The following PCDHGB3 variants were observed in gnomAD, a reference collection of about 807,000 sequenced individuals.
PCDHGB3 encodes the protein protocadherin gamma subfamily B, 3.
Under a neutral mutation model 59.2 loss-of-function variants are expected in PCDHGB3, and 40 were observed. The ratio of observed to expected loss-of-function variants is 0.68; its 90% CI spans 0.52 to 0.88. The LOEUF is 0.88. Ranked by LOEUF, PCDHGB3 falls within the 40% of genes least tolerant of loss-of-function variation. The pLI, the probability that PCDHGB3 is intolerant of heterozygous loss-of-function variation, is 0.00. For synonymous variants in PCDHGB3, 581 were observed against 503.6 expected (o/e 1.15, Z -2.06); for missense variants, 1,309 against 1,187.9 (o/e 1.10, Z -1.50).
At chr5:141,412,300 A>T (rs1422841541) in intron 1 of PCDHGB3, 2 of 152,248 alleles carry the variant, frequency 1.3e-5, no homozygotes, top group Non-Finnish European at 2.9e-5. Context: ...TTCTTTTCTC[A>T]TTACAATGCA....
chr5:141,400,290 C>T, intron 1 of PCDHGB3: 3 of 1,614,090 alleles, frequency 1.9e-6, no homozygotes, highest in Non-Finnish European at 2.5e-6. Context: ...CCGCCTGGAG[C>T]TGCTTCCAAC....
At chr5:141,415,641 T>TA (rs113784532) in intron 1 of PCDHGB3, 91,654 of 1,192,004 alleles carry the variant, frequency 0.077, 689 homozygotes, top group South Asian at 0.099. Context: ...TTACTTTTGT[T>TA]AAAAAAAAAA....
chr5:141,433,354 T>TCTGC, intron 1 of PCDHGB3: 2 of 602,322 alleles, frequency 3.3e-6, no homozygotes, highest in South Asian at 2.1e-5. Context: ...CCACCTACTG[T>TCTGC]CTGCCTATCT....
intron 1 of PCDHGB3, chr5:141,427,571 G>A: frequency 1.5e-6 from 1 of 662,942 alleles, no homozygotes. Flanking sequence ...GCAAGCCTCC[G>A]CTCTCATCCA....
At chr5:141,467,901 C>T (rs1484485803) in intron 1 of PCDHGB3, among the ~76,000 whole-genome samples, 7 of 152,034 alleles carry the variant, frequency 4.6e-5, no homozygotes, top group Admixed American at 1.3e-4. Flanking sequence ...TCAAGAAATC[C>T]GCCCACCTCA....
At chr5:141,414,099 A>C in intron 1 of PCDHGB3, 3 of 1,593,504 alleles carry the variant, frequency 1.9e-6, no homozygotes, top group Non-Finnish European at 8.5e-7. Flanking sequence ...TAAAAATATC[A>C]GAAAATCTAG....
chr5:141,476,716 C>T lies in PCDHGB3; in HGVS notation c.2416-18091C>T. On this transcript the variant is annotated intron_variant, in intron 1 of 3. Transcript: ENST00000576222. This position sits in a 1 kb window ranked among gnomAD's most constrained non-coding sequence, Gnocchi z 7.6. ...AGTACGCGGAGCTGGTGTTGGAGCG[C>T]GCCCTGGACCGAGAACGGGAGCCTA... 15 of 1,614,148 alleles carry T rather than the reference C, an allele frequency of 9.3e-6. No homozygotes were observed. The highest frequency in any genetic ancestry group is 1.3e-5 in the Non-Finnish European group (15 of 1,180,036).
intron 1 of PCDHGB3, chr5:141,374,799 C>T (rs1177554784): frequency 3.1e-6 from 5 of 1,613,978 alleles, no homozygotes; most frequent in African/African-American, 2.7e-5. Flanking sequence ...AATGACAACA[C>T]TCCAATGTTT....
In PCDHGB3 at chr5:141,500,452, G is replaced by A. The variant is rs554196222; in HGVS notation, c.2475-4941G>A. 2.6e-3 allele frequency among the ~76,000 whole-genome samples: 398 copies of A among 151,620 alleles called. 2 individuals carry two copies. The highest frequency in any genetic ancestry group is 0.021 in the South Asian group (99 of 4,798). On this transcript the variant is annotated intron_variant, in intron 2 of 3. Transcript: ENST00000576222. ...TCTCGATCTCCTGACCTCGTGATCC[G>A]CCCGCCTCGGCCTCCCAAAGTGCTG... is the stretch of plus-strand genomic sequence containing the variant.
Position 141,430,800 on chromosome 5 carries a change from T to C in PCDHGB3, c.2415+57991T>C, listed in dbSNP as rs770490590. 2.6e-6 allele frequency: 4 copies of C among 1,524,818 alleles called. No homozygotes were observed. In the South Asian group the frequency reaches 5.3e-5, roughly 20 times the overall value. 94.5% of individuals were successfully genotyped at this position (1,524,818 alleles called of 1,614,324 possible). A position where few individuals can be genotyped will look rare whatever the true frequency, so the allele number is the denominator to read the frequency against. ...CTGCACCGGGACTACAAAGGGCTTG[T>C]CCTGCTGGGAATCCTCCTGGGGACT... is the stretch of plus-strand genomic sequence containing the variant. On this transcript the variant is annotated intron_variant, in intron 1 of 3. Transcript: ENST00000576222.
In PCDHGB3 at chr5:141,370,388, G is replaced by A. The variant is rs10052885; in HGVS notation, c.-7G>A. 6.8e-4 allele frequency: 1,046 copies of A among 1,542,246 alleles called. 12 individuals carry two copies. In the African/African-American group the frequency reaches 0.013, roughly 19 times the overall value. Reference sequence around the variant, plus strand: ...GGATTTAGAAAGGCAAAGGCGCAGAGAGCGGGATGGGAAATAGCTCCGGAT... The same window carrying A: ...GGATTTAGAAAGGCAAAGGCGCAGAAAGCGGGATGGGAAATAGCTCCGGAT... On this transcript the variant is annotated 5_prime_UTR_variant, in exon 1 of 4. Coordinates refer to ENST00000576222, the MANE Select transcript of PCDHGB3 (RefSeq NM_018924.5).
At chr5:141,436,764 A>G (rs1248797699) in intron 1 of PCDHGB3, among the ~76,000 whole-genome samples, 1 of 152,214 alleles carries the variant, frequency 6.6e-6, no homozygotes, top group East Asian at 1.9e-4. Flanking sequence ...GGTATAATGG[A>G]ATGATTTGTG....
chr5:141,474,819 G>A (rs1180279468), intron 1 of PCDHGB3, among the ~76,000 whole-genome samples: 1 of 152,190 alleles, frequency 6.6e-6, no homozygotes, highest in Non-Finnish European at 1.5e-5. Flanking sequence ...CATTAATTGA[G>A]GCTTACTCTG....
intron 1 of PCDHGB3, chr5:141,375,160 T>C (rs373409677): frequency 1.2e-6 from 2 of 1,613,972 alleles, no homozygotes; most frequent in Non-Finnish European, 1.7e-6. Flanking sequence ...TTGCTGAAAG[T>C]GCACCTCCAG....
At chr5:141,374,154 G>T (rs376984494) in intron 1 of PCDHGB3, 4 of 1,611,790 alleles carry the variant, frequency 2.5e-6, no homozygotes, top group Non-Finnish European at 3.4e-6. Flanking sequence ...GGGACGCTGT[G>T]GGGGGCCGCG....
chr5:141,420,030 G>A (rs1269646706), intron 1 of PCDHGB3: 1 of 1,613,940 alleles, frequency 6.2e-7, no homozygotes, highest in Non-Finnish European at 8.5e-7. Flanking sequence ...CCTACTGCAG[G>A]AGACTGCTTT....
chr5:141,404,330 T>C, intron 1 of PCDHGB3: 1 of 1,613,934 alleles, frequency 6.2e-7, no homozygotes, highest in African/African-American at 1.3e-5. Context: ...CTACTCAGTC[T>C]ACCTCCCGGA....
At position 141,494,787 on chromosome 5, in the gene PCDHGB3, T is replaced by G. The variant is rs763990551; in HGVS notation, c.2416-20T>G. The G allele has an allele frequency of 6.2e-7, 1 of 1,614,044 alleles. No individual in the cohort carries two copies. Among genetic ancestry groups the G allele is most frequent in the Non-Finnish European group, 8.5e-7 (1 of 1,179,990 alleles). On this transcript the variant is annotated intron_variant, in intron 1 of 3. Transcript: ENST00000576222. ...ACTTCTCACGGGTACTCAGCCCCTT[T>G]CCCTCTGTTTTCTCCACAGCAAGCC...
intron 2 of PCDHGB3, among the ~76,000 whole-genome samples, chr5:141,497,603 G>A (rs1045138662): frequency 3.3e-5 from 5 of 149,832 alleles, no homozygotes; most frequent in Non-Finnish European, 7.4e-5. Context: ...GCAGTGGTGC[G>A]ATCTTGGCTC....
Sources: gnomAD v4.1 joint callset for allele counts (sites outside exome capture counted in the v4.1 genomes callset) on GRCh38, gnomAD v4.1.1 for gene constraint, Gnocchi (gnomAD v3.1) non-coding constraint, MANE v1.5 for transcripts, NCBI Gene and HGNC (gene_info 2026-07-23, HGNC 2026-07-21) for gene names.